The following TYW1 variants were observed in gnomAD, a reference collection of about 807,000 sequenced individuals.
The protein encoded by TYW1 is tRNA-yW synthesizing protein 1 homolog.
Under a neutral mutation model 96.2 loss-of-function variants are expected in TYW1, and 46 were observed. The observed-to-expected ratio is 0.48, with a 90% confidence interval of 0.38 to 0.61. The LOEUF is 0.61. Ranked by LOEUF, TYW1 falls within the 20% of genes least tolerant of loss-of-function variation. The pLI is 0.00. For missense variants in TYW1, 684 were observed against 909.6 expected (o/e 0.75, Z 3.19); for synonymous variants, 274 against 323.0 (o/e 0.85, Z 1.63).
chr7:67,019,789 T>A (rs914904454), intron 6 of TYW1, among the ~76,000 whole-genome samples: 7 of 152,292 alleles, frequency 4.6e-5, no homozygotes, highest in Non-Finnish European at 1.0e-4. Flanking sequence ...ACCAAGTTGT[T>A]GGACAGAAAT....
At chr7:67,103,607 A>G (rs1213272077) in intron 12 of TYW1, among the ~76,000 whole-genome samples, 2 of 152,218 alleles carry the variant, frequency 1.3e-5, no homozygotes, top group African/African-American at 4.8e-5. Flanking sequence ...GAAAACAGAA[A>G]GAAAAAGTTT....
chr7:67,116,845 T>C (rs563812704), intron 12 of TYW1, among the ~76,000 whole-genome samples: 2 of 152,266 alleles, frequency 1.3e-5, no homozygotes, highest in African/African-American at 4.8e-5. Flanking sequence ...TAAGAATGCA[T>C]TTTTTTCTTC....
intron 7 of TYW1, among the ~76,000 whole-genome samples, chr7:67,047,180 A>T (rs983626316): frequency 6.6e-6 from 1 of 152,188 alleles, no homozygotes; most frequent in African/African-American, 2.4e-5. Context: ...TGCTTCAGAT[A>T]ATTTAAATGC....
intron 7 of TYW1, among the ~76,000 whole-genome samples, chr7:67,036,837 GT>G (rs1187702154): frequency 6.6e-6 from 1 of 152,250 alleles, no homozygotes; most frequent in Admixed American, 6.5e-5. Context: ...TGTGTACAGG[GT>G]CTGGCAGCCA....
At position 67,024,898 on chromosome 7, in the gene TYW1, A is replaced by G. The variant is rs764417317; in HGVS notation, c.862-2A>G. 2 of 1,613,680 alleles carry G rather than the reference A, an allele frequency of 1.2e-6. No homozygotes were observed. Among genetic ancestry groups the G allele is most frequent in the South Asian group, 2.2e-5 (2 of 91,052 alleles). ...TGTATTTCTGAAGCATTTCTCTTCC[A>G]GGAGGAAGAACCCTTTGAGAGCTCC... On this transcript the variant is annotated splice_acceptor_variant, in intron 6 of 15. Coordinates refer to ENST00000359626, the MANE Select transcript of TYW1 (RefSeq NM_018264.4). LOFTEE classifies it high-confidence loss of function.
chr7:67,163,876 C>T (rs982733718), intron 13 of TYW1, among the ~76,000 whole-genome samples: 1 of 152,022 alleles, frequency 6.6e-6, no homozygotes, highest in African/African-American at 2.4e-5. Flanking sequence ...ACCATGTTGG[C>T]CAGGCTGGTC....
intron 4 of TYW1, among the ~76,000 whole-genome samples, chr7:67,013,819 C>T (rs1413466244): frequency 6.9e-6 from 1 of 144,532 alleles, no homozygotes; most frequent in Non-Finnish European, 1.5e-5. Flanking sequence ...TCTTGGCTCG[C>T]TGCAAGCTCT....
chr7:67,072,945 T>G (rs1464298918), intron 10 of TYW1, among the ~76,000 whole-genome samples: 5 of 113,946 alleles, frequency 4.4e-5, no homozygotes, highest in Non-Finnish European at 9.8e-5. Flanking sequence ...TTTTTTTTTT[T>G]TTTTTTTTTT....
At chr7:67,147,647 G>C (rs1259333523) in intron 13 of TYW1, among the ~76,000 whole-genome samples, 1 of 152,012 alleles carries the variant, frequency 6.6e-6, no homozygotes, top group Non-Finnish European at 1.5e-5. Flanking sequence ...TCATCATTTA[G>C]CTACCACTTA....
chr7:67,173,284 G>C (rs1472868398), intron 13 of TYW1, among the ~76,000 whole-genome samples: 1 of 151,942 alleles, frequency 6.6e-6, no homozygotes, highest in Non-Finnish European at 1.5e-5. Context: ...CCTTTCTTGT[G>C]TGCTACTTAT....
intron 13 of TYW1, among the ~76,000 whole-genome samples, chr7:67,162,854 C>T (rs928298746): frequency 6.6e-6 from 1 of 152,138 alleles, no homozygotes; most frequent in African/African-American, 2.4e-5. Flanking sequence ...GATAGGGCAC[C>T]TCTCTTGTTC....
intron 7 of TYW1, among the ~76,000 whole-genome samples, chr7:67,042,315 C>T (rs1795054143): frequency 6.7e-6 from 1 of 149,744 alleles, no homozygotes; most frequent in African/African-American, 2.4e-5. Context: ...TGGTATTCTA[C>T]CTCCCTCCCT....
At chr7:67,135,807 G>T (rs1463706820) in intron 13 of TYW1, among the ~76,000 whole-genome samples, 2 of 152,126 alleles carry the variant, frequency 1.3e-5, no homozygotes, top group Non-Finnish European at 2.9e-5. Context: ...ACCACTCAGG[G>T]TTTGCTGTTG....
At chr7:67,134,515 C>T (rs547784702) in intron 13 of TYW1, among the ~76,000 whole-genome samples, 1 of 151,314 alleles carries the variant, frequency 6.6e-6, no homozygotes, top group East Asian at 1.9e-4. Context: ...GCACTCCAGG[C>T]TAGGTGATAG....
intron 8 of TYW1, among the ~76,000 whole-genome samples, chr7:67,055,385 A>G (rs1409123417): frequency 6.6e-6 from 1 of 152,080 alleles, no homozygotes; most frequent in Admixed American, 6.6e-5. Flanking sequence ...TCACTTGAGG[A>G]CAGGAGTTCG....
Position 67,180,144 on chromosome 7 carries a change from A to G in TYW1, c.1699-2982A>G, listed in dbSNP as rs1284770254. ...ACCCAGCTGAAACACTAGGCATTTC[A>G]TAATTATAAGTAGAATATGCTTTCT... On this transcript the variant is annotated intron_variant, in intron 13 of 15. Transcript: ENST00000359626. 6.1e-5 allele frequency among the ~76,000 whole-genome samples: 8 copies of G among 132,230 alleles called. 1 individual carries two copies. In the East Asian group the frequency reaches 1.6e-3, roughly 26 times the overall value. 86.7% of individuals were successfully genotyped at this position (132,230 alleles called of 152,430 possible). A position where few individuals can be genotyped will look rare whatever the true frequency, so the allele number is the denominator to read the frequency against.
chr7:67,229,738 G>A (rs1801688103), intron 15 of TYW1, among the ~76,000 whole-genome samples: 1 of 152,200 alleles, frequency 6.6e-6, no homozygotes. Flanking sequence ...AGAATTGCTT[G>A]AGTCCTGGAA....
intron 15 of TYW1, among the ~76,000 whole-genome samples, chr7:67,224,485 G>A (rs1801493718): frequency 6.6e-6 from 1 of 152,132 alleles, no homozygotes; most frequent in African/African-American, 2.4e-5. Flanking sequence ...TTTGTTTCTG[G>A]CACTCCCAGC....
chr7:66,998,263 A>G (rs1369173612), intron 2 of TYW1, 68 bp downstream of exon 2: 6 of 1,530,352 alleles, frequency 3.9e-6, no homozygotes, highest in Non-Finnish European at 4.4e-6. Context: ...TTTAAATACT[A>G]AAAGGAACCT....
Sources: gnomAD v4.1 joint callset for allele counts (sites outside exome capture counted in the v4.1 genomes callset) on GRCh38, gnomAD v4.1.1 for gene constraint, MANE v1.5 for transcripts, NCBI Gene and HGNC (gene_info 2026-07-23, HGNC 2026-07-21) for gene names.